Variants in KCNAB1 observed in about 807,000 individuals in gnomAD.
The protein encoded by KCNAB1 is voltage-gated potassium channel subunit beta-1.
Under a neutral mutation model 64.6 loss-of-function variants are expected in KCNAB1, and 35 were observed. The ratio of observed to expected loss-of-function variants is 0.54; its 90% CI spans 0.41 to 0.72. The LOEUF is 0.72. Ranked by LOEUF, KCNAB1 falls within the 30% of genes least tolerant of loss-of-function variation. The probability of loss-of-function intolerance (pLI) is 0.00; values close to 1 mark genes in which losing one functional copy is unlikely to be tolerated. For missense variants in KCNAB1, 401 were observed against 512.9 expected (o/e 0.78, Z 2.11); for synonymous variants, 177 against 183.8 (o/e 0.96, Z 0.30).
chr3:156,528,311 T>C (rs879336205), intron 12 of KCNAB1, among the ~76,000 whole-genome samples: 2 of 152,068 alleles, frequency 1.3e-5, no homozygotes, highest in Admixed American at 1.3e-4. Context: ...CAGTTGACAA[T>C]ATGGCTGTCC....
chr3:156,339,158 C>G (rs1417019176), intron 1 of KCNAB1, among the ~76,000 whole-genome samples: 1 of 152,064 alleles, frequency 6.6e-6, no homozygotes, highest in East Asian at 1.9e-4. Flanking sequence ...TGAAGTTTCC[C>G]CCTAGAGGAG....
At chr3:156,281,539 G>T (rs1203021904) in intron 1 of KCNAB1, among the ~76,000 whole-genome samples, 1 of 152,148 alleles carries the variant, frequency 6.6e-6, no homozygotes, top group East Asian at 1.9e-4. Context: ...CAGAAGGAAT[G>T]GTACCAATTC....
intron 12 of KCNAB1, among the ~76,000 whole-genome samples, chr3:156,526,283 A>G (rs996351045): frequency 2.0e-5 from 3 of 152,190 alleles, no homozygotes; most frequent in African/African-American, 7.2e-5. Flanking sequence ...ACGCCTAACA[A>G]TGCATTTCTC....
intron 8 of KCNAB1, among the ~76,000 whole-genome samples, chr3:156,498,925 C>A (rs1716192651): frequency 6.6e-6 from 1 of 152,158 alleles, no homozygotes; most frequent in Non-Finnish European, 1.5e-5. Context: ...GAAGACAAAG[C>A]AAAATCAAAG....
At chr3:156,270,766 A>G (rs1012761829) in intron 1 of KCNAB1, among the ~76,000 whole-genome samples, 1 of 152,112 alleles carries the variant, frequency 6.6e-6, no homozygotes, top group African/African-American at 2.4e-5. Flanking sequence ...TGTACTTACT[A>G]TTACCAGTGA....
intron 2 of KCNAB1, among the ~76,000 whole-genome samples, chr3:156,422,265 A>G (rs1278928313): frequency 6.6e-6 from 1 of 152,224 alleles, no homozygotes; most frequent in African/African-American, 2.4e-5. Context: ...TCTGACTGTG[A>G]GACTTGGGGA....
intron 1 of KCNAB1, chr3:156,291,783 C>T (rs1168259846): frequency 9.9e-6 from 15 of 1,517,150 alleles, no homozygotes; most frequent in East Asian, 7.1e-5. Flanking sequence ...CCTCTGACGG[C>T]ATCCCCAGGA....
At chr3:156,343,530 C>T (rs75392077) in intron 1 of KCNAB1, among the ~76,000 whole-genome samples, 68 of 152,302 alleles carry the variant, frequency 4.5e-4, no homozygotes, top group Middle Eastern at 3.4e-3. Context: ...ATTGGCCTTC[C>T]GAGTCAGGGC....
intron 1 of KCNAB1, among the ~76,000 whole-genome samples, chr3:156,416,534 C>G (rs1057442116): frequency 2.6e-5 from 4 of 152,230 alleles, no homozygotes; most frequent in African/African-American, 9.6e-5. Flanking sequence ...CCTAACCACG[C>G]ATATTAGGTC....
chr3:156,142,881 G>A (rs1021227612), intron 1 of KCNAB1: 8 of 620,020 alleles, frequency 1.3e-5, no homozygotes, highest in Non-Finnish European at 1.7e-5. Context: ...TTTTCCCCAG[G>A]GCCAGTACAT....
At chr3:156,243,303 C>G (rs1717276042) in intron 1 of KCNAB1, among the ~76,000 whole-genome samples, 1 of 152,176 alleles carries the variant, frequency 6.6e-6, no homozygotes, top group South Asian at 2.1e-4. Context: ...CGGCTCACTG[C>G]AACCCCCACC....
At position 156,367,228 on chromosome 3, in the gene KCNAB1, T is replaced by G. The variant is rs180846598; in HGVS notation, c.276-54388T>G. ...TCTCGCTCTGTCACCCAGGCTAGAG[T>G]GCAGTGTTGCAATCTTGGCTCACTG... On this transcript the variant is annotated intron_variant, in intron 1 of 13. Coordinates refer to ENST00000490337, the MANE Select transcript of KCNAB1 (RefSeq NM_172160.3). 3.4e-3 allele frequency among the ~76,000 whole-genome samples: 500 copies of G among 147,136 alleles called. 2 individuals are homozygous for G. The highest frequency in any genetic ancestry group is 0.011 in the African/African-American group (447 of 39,326).
At chr3:156,411,762 C>A (rs1714681125) in intron 1 of KCNAB1, among the ~76,000 whole-genome samples, 2 of 152,170 alleles carry the variant, frequency 1.3e-5, no homozygotes, top group East Asian at 1.9e-4. Flanking sequence ...TTAACATACA[C>A]AACACTGCCT....
intron 1 of KCNAB1, among the ~76,000 whole-genome samples, chr3:156,124,624 TAATG>T (rs1323552817): frequency 3.3e-5 from 5 of 152,204 alleles, no homozygotes; most frequent in African/African-American, 7.2e-5. Flanking sequence ...TATTTATTCT[TAATG>T]AATATTATCC....
At chr3:156,350,479 C>T (rs1404541433) in intron 1 of KCNAB1, among the ~76,000 whole-genome samples, 2 of 151,210 alleles carry the variant, frequency 1.3e-5, no homozygotes, top group African/African-American at 4.9e-5. Context: ...TGCACTGTAG[C>T]CCCAGCAACA....
chr3:156,290,484 C>G (rs188355691), intron 1 of KCNAB1, among the ~76,000 whole-genome samples: 8 of 152,326 alleles, frequency 5.3e-5, no homozygotes, highest in Non-Finnish European at 1.0e-4. Context: ...AAGTAAATTA[C>G]CAGCCAACTG....
intron 1 of KCNAB1, among the ~76,000 whole-genome samples, chr3:156,362,790 A>G (rs1725692356): frequency 1.3e-5 from 2 of 152,220 alleles, no homozygotes; most frequent in South Asian, 4.1e-4. Flanking sequence ...GGAAAAAAAT[A>G]CTGTTTATAA....
chr3:156,340,170 A>G (rs1320831827), intron 1 of KCNAB1, among the ~76,000 whole-genome samples: 1 of 152,174 alleles, frequency 6.6e-6, no homozygotes, highest in African/African-American at 2.4e-5. Context: ...CCTACCCCTC[A>G]GTATCCTTTC....
intron 8 of KCNAB1, among the ~76,000 whole-genome samples, chr3:156,489,555 GC>G (rs754012717): frequency 5.3e-5 from 8 of 152,098 alleles, no homozygotes; most frequent in Non-Finnish European, 1.2e-4. Context: ...AAGCCACTTA[GC>G]CTCTGACTCA....
Sources: gnomAD v4.1 joint callset for allele counts (sites outside exome capture counted in the v4.1 genomes callset) on GRCh38, gnomAD v4.1.1 for gene constraint, MANE v1.5 for transcripts, NCBI Gene and HGNC (gene_info 2026-07-23, HGNC 2026-07-21) for gene names.